CCSER2: variants seen among roughly 807,000 people sequenced by gnomAD.
CCSER2 encodes coiled-coil serine rich protein 2.
Under a neutral mutation model 92.3 loss-of-function variants are expected in CCSER2, and 46 were observed. The ratio of observed to expected loss-of-function variants is 0.50; its 90% CI spans 0.39 to 0.64. CCSER2 has a LOEUF of 0.64. Ranked by LOEUF, CCSER2 falls within the 30% of genes least tolerant of loss-of-function variation. CCSER2 has a pLI of 0.00. For synonymous variants in CCSER2, 433 were observed against 431.4 expected, an observed-to-expected ratio of 1.00 and a Z score of -0.04; for missense variants, 1,244 against 1,238.9, an observed-to-expected ratio of 1.00 and a Z score of -0.06.
chr10:84,455,259 TTTTTTC>T (rs754937560), intron 6 of CCSER2: 6,435 of 168,782 alleles, frequency 0.038, 182 homozygotes, highest in East Asian at 0.13. Flanking sequence ...CTTTCTTTCT[TTTTTTC>T]TTTTTCTTTT....
intron 3 of CCSER2, among the ~76,000 whole-genome samples, chr10:84,380,542 C>A (rs896879838): frequency 6.6e-6 from 1 of 152,124 alleles, no homozygotes; most frequent in Non-Finnish European, 1.5e-5. Flanking sequence ...GTGTAAGACA[C>A]CCATTCCCAT....
At chr10:84,369,052 A>G (rs1448535770) in intron 1 of CCSER2, among the ~76,000 whole-genome samples, 1 of 150,908 alleles carries the variant, frequency 6.6e-6, no homozygotes, top group Non-Finnish European at 1.5e-5. Context: ...TCCATGGTGT[A>G]TTTTTTTAAT....
chr10:84,505,658 C>G (rs567237622), intron 9 of CCSER2, among the ~76,000 whole-genome samples: 1 of 151,806 alleles, frequency 6.6e-6, no homozygotes, highest in African/African-American at 2.4e-5. Flanking sequence ...TGGTTAACAT[C>G]AAATATGGTA....
chr10:84,370,060 T>A (rs1282698920), intron 1 of CCSER2, among the ~76,000 whole-genome samples: 1 of 152,170 alleles, frequency 6.6e-6, no homozygotes, highest in Non-Finnish European at 1.5e-5. Context: ...AGCCTTGTAG[T>A]ATAATTTGAA....
intron 9 of CCSER2, among the ~76,000 whole-genome samples, chr10:84,480,141 C>T (rs923437949): frequency 4.6e-5 from 7 of 152,104 alleles, no homozygotes; most frequent in Admixed American, 1.3e-4. Flanking sequence ...ACCTCCTGGG[C>T]TCAAGTGATC....
At chr10:84,341,235 A>G (rs1356289531) in intron 1 of CCSER2, among the ~76,000 whole-genome samples, 1 of 151,514 alleles carries the variant, frequency 6.6e-6, no homozygotes, top group Non-Finnish European at 1.5e-5. Context: ...GGGTTTTGCC[A>G]AGTTGCCCAG....
intron 9 of CCSER2, among the ~76,000 whole-genome samples, chr10:84,502,160 T>G (rs1848790424): frequency 6.6e-6 from 1 of 151,688 alleles, no homozygotes. Flanking sequence ...TATGAAATTA[T>G]TAGAATAAAT....
intron 6 of CCSER2, among the ~76,000 whole-genome samples, chr10:84,460,256 ATTTTTTTT>A (rs57903884): frequency 8.0e-6 from 1 of 125,714 alleles, no homozygotes; most frequent in South Asian, 2.7e-4. Context: ...TGCCCGGCTG[ATTTTTTTT>A]TTTTTTTTTT....
chr10:84,506,601 G>T (rs1298834138), intron 9 of CCSER2, among the ~76,000 whole-genome samples: 1 of 151,602 alleles, frequency 6.6e-6, no homozygotes, highest in Non-Finnish European at 1.5e-5. Context: ...AGACCAGTCT[G>T]GCCAACATAG....
At chr10:84,354,670 A>G (rs1209798654) in intron 1 of CCSER2, among the ~76,000 whole-genome samples, 1 of 149,944 alleles carries the variant, frequency 6.7e-6, no homozygotes, top group African/African-American at 2.5e-5. Flanking sequence ...AAATTTGACC[A>G]TCGTTCCTGT....
At chr10:84,424,925 A>C (rs906690852) in intron 4 of CCSER2, 2 of 921,634 alleles carry the variant, frequency 2.2e-6, no homozygotes, top group Non-Finnish European at 2.6e-6. Context: ...AGCAGGAAGG[A>C]AGGCCTGTTC....
chr10:84,391,570 T>C, intron 3 of CCSER2: 1 of 1,503,770 alleles, frequency 6.6e-7, no homozygotes, highest in Non-Finnish European at 9.2e-7. Context: ...CATAGGCAGT[T>C]GGAGAAATCT....
chr10:84,460,919 T>C (rs1177520104), intron 6 of CCSER2, among the ~76,000 whole-genome samples: 1 of 152,210 alleles, frequency 6.6e-6, no homozygotes, highest in Non-Finnish European at 1.5e-5. Context: ...GAAAGTGTTT[T>C]TAGTTTCATT....
intron 3 of CCSER2, among the ~76,000 whole-genome samples, chr10:84,392,443 C>G (rs1248894309): frequency 6.7e-6 from 1 of 149,418 alleles, no homozygotes; most frequent in African/African-American, 2.5e-5. Context: ...GAAAGAGGAA[C>G]AATTCTATAG....
At position 84,410,128 on chromosome 10, in the gene CCSER2, T is replaced by C. The variant is rs561027990; in HGVS notation, c.1615-7643T>C. Among the ~76,000 whole-genome samples, 133 of 152,336 alleles carry C rather than the reference T, an allele frequency of 8.7e-4. 1 individual carries two copies. The South Asian group carries it at 0.027, about 30-fold the overall frequency. On this transcript the variant is annotated intron_variant, in intron 3 of 9. Coordinates refer to ENST00000372088, the MANE Select transcript of CCSER2 (RefSeq NM_001284240.2). ...TGTGGTTGCATAGTATTCCACGGTG[T>C]ATATGTACCACAGTTTCTTTATCTG...
Position 84,517,211 on chromosome 10 carries a change from A to G in CCSER2, c.*2944A>G, listed in dbSNP as rs1277558643. Reference sequence around the variant, plus strand: ...TTAAGTTTCACATTCGTGAAAGAGGAAATTAGTAGAGTATTCAGACTTTGA... The same window carrying G: ...TTAAGTTTCACATTCGTGAAAGAGGGAATTAGTAGAGTATTCAGACTTTGA... On this transcript the variant is annotated 3_prime_UTR_variant, in exon 10 of 10. Transcript: ENST00000372088. The G allele has an allele frequency of 3.9e-5, 6 of 152,520 alleles. No individual in the cohort carries two copies. Among genetic ancestry groups the G allele is most frequent in the African/African-American group, 1.4e-4 (6 of 41,582 alleles). The allele number at this position is 152,520 out of a possible 1,614,324, so 9.4% of individuals were successfully genotyped here.
chr10:84,366,201 C>T (rs1267980318), intron 1 of CCSER2, among the ~76,000 whole-genome samples: 1 of 152,114 alleles, frequency 6.6e-6, no homozygotes, highest in Non-Finnish European at 1.5e-5. Context: ...GCCTCAGCTT[C>T]CCAAACTGTT....
chr10:84,375,721 T>C (rs1846297418), intron 3 of CCSER2, among the ~76,000 whole-genome samples: 1 of 151,766 alleles, frequency 6.6e-6, no homozygotes, highest in African/African-American at 2.4e-5. Flanking sequence ...AGTTTATTAT[T>C]TTAAAATTTT....
chr10:84,470,777 T>C (rs72826293), intron 8 of CCSER2, among the ~76,000 whole-genome samples: 5 of 152,126 alleles, frequency 3.3e-5, no homozygotes, highest in South Asian at 2.1e-4. Context: ...AACAAGTACT[T>C]GTGAGTTGAG....
Sources: gnomAD v4.1 joint callset for allele counts (sites outside exome capture counted in the v4.1 genomes callset) on GRCh38, gnomAD v4.1.1 for gene constraint, MANE v1.5 for transcripts, NCBI Gene and HGNC (gene_info 2026-07-23, HGNC 2026-07-21) for gene names.